CFHR5: variants seen among roughly 807,000 people sequenced by gnomAD.
The protein encoded by CFHR5 is complement factor H-related protein 5.
A neutral mutation model predicts 62.9 loss-of-function variants in CFHR5; 73 were observed. The observed-to-expected ratio is 1.16, with a 90% CI of 0.96 to 1.41. The LOEUF (loss-of-function observed/expected upper bound fraction) is 1.41. Among genes scored for constraint, CFHR5 ranks in the 40% most tolerant of loss-of-function variants. CFHR5 has a pLI of 0.00. For missense variants in CFHR5, 779 were observed against 679.9 expected, an observed-to-expected ratio of 1.15 and a Z score of -1.62; for synonymous variants, 249 against 227.2, an observed-to-expected ratio of 1.10 and a Z score of -0.86.
At position 197,008,736 on chromosome 1, in the gene CFHR5, G is replaced by T; in HGVS notation, c.*53G>T. On this transcript the variant is annotated 3_prime_UTR_variant, in exon 10 of 10. Transcript: ENST00000256785. ...CTTCAAACATCCATCTATGCTAAAAGTAGCCATTATGTAGCCAATTCTGTA... is the reference window on the plus strand; with the variant it reads ...CTTCAAACATCCATCTATGCTAAAATTAGCCATTATGTAGCCAATTCTGTA... 3.5e-5 allele frequency: 51 copies of T among 1,453,340 alleles called. No individual in the cohort carries two copies. The highest frequency in any genetic ancestry group is 3.9e-6 in the Non-Finnish European group (4 of 1,035,696). 90.0% of individuals were successfully genotyped at this position (1,453,340 alleles called of 1,614,324 possible).
At chr1:197,005,710 T>C (rs1654269917) in intron 9 of CFHR5, among the ~76,000 whole-genome samples, 1 of 152,166 alleles carries the variant, frequency 6.6e-6, no homozygotes, top group Non-Finnish European at 1.5e-5. Flanking sequence ...GTAATAAGGA[T>C]CTGTTCCTGC....
chr1:197,006,626 C>T (rs912231171), intron 9 of CFHR5, among the ~76,000 whole-genome samples: 6 of 150,812 alleles, frequency 4.0e-5, no homozygotes, highest in Non-Finnish European at 5.9e-5. Flanking sequence ...GCAGGAGAAT[C>T]ATTTGAACCT....
chr1:197,005,306 C>T (rs1654258869), intron 9 of CFHR5, among the ~76,000 whole-genome samples: 1 of 152,106 alleles, frequency 6.6e-6, no homozygotes, highest in Non-Finnish European at 1.5e-5. Context: ...TGCATGTTGG[C>T]AGAATTTCTA....
intron 1 of CFHR5, among the ~76,000 whole-genome samples, chr1:196,980,301 C>T (rs1653505787): frequency 6.6e-6 from 1 of 151,732 alleles, no homozygotes; most frequent in Non-Finnish European, 1.5e-5. Context: ...AACTATAGTA[C>T]ATTAAATACA....
chr1:196,985,085 C>T (rs2125028094), intron 3 of CFHR5, among the ~76,000 whole-genome samples: 1 of 152,016 alleles, frequency 6.6e-6, no homozygotes, highest in East Asian at 1.9e-4. Flanking sequence ...AATTTTTTTT[C>T]AGTGGGATGC....
chr1:196,996,303 G>T, intron 6 of CFHR5, 102 bp downstream of exon 6: 1 of 889,846 alleles, frequency 1.1e-6, no homozygotes, highest in East Asian at 2.5e-5. Flanking sequence ...TATTGATACT[G>T]ACTCTTCCTT....
upstream of CFHR5, among the ~76,000 whole-genome samples, chr1:196,975,068 G>GAA (rs1002760996): frequency 2.8e-4 from 42 of 152,284 alleles, no homozygotes; most frequent in African/African-American, 7.9e-4. Context: ...CTTTGAGACA[G>GAA]AAGAGAAACC....
intron 8 of CFHR5, among the ~76,000 whole-genome samples, chr1:197,004,114 T>C (rs1654224463): frequency 6.6e-6 from 1 of 152,178 alleles, no homozygotes; most frequent in African/African-American, 2.4e-5. Context: ...CAGCCAATCT[T>C]AGCATGAAGT....
At chr1:196,980,739 A>G (rs1036938972) in intron 1 of CFHR5, among the ~76,000 whole-genome samples, 2 of 152,146 alleles carry the variant, frequency 1.3e-5, no homozygotes, top group South Asian at 2.1e-4. Flanking sequence ...CCAAAGGACG[A>G]TAACACTCCT....
intron 6 of CFHR5, 134 bp downstream of exon 6, chr1:196,996,335 C>T (rs1004816848): frequency 4.1e-6 from 3 of 736,808 alleles, no homozygotes; most frequent in Non-Finnish European, 7.1e-6. Context: ...ATATGTCAAT[C>T]CATTTATTCA....
intron 4 of CFHR5, among the ~76,000 whole-genome samples, chr1:196,994,627 A>G: frequency 6.6e-6 from 1 of 152,208 alleles, no homozygotes; most frequent in East Asian, 1.9e-4. Context: ...TATACGAATT[A>G]TTCATTAGAA....
At chr1:196,985,280 T>G (rs114380252) in intron 3 of CFHR5, among the ~76,000 whole-genome samples, 2,162 of 152,242 alleles carry the variant, frequency 0.014, 38 homozygotes, top group African/African-American at 0.045. Flanking sequence ...GTTCAAAGCT[T>G]CAGTGAGTTA....
At chr1:196,993,994 C>A in intron 3 of CFHR5, 86 bp from the exon 4 acceptor site, 1 of 983,542 alleles carries the variant, frequency 1.0e-6, no homozygotes, top group Non-Finnish European at 1.6e-6. Flanking sequence ...GTATATGAAG[C>A]CCCTTGCATC....
intron 8 of CFHR5, among the ~76,000 whole-genome samples, chr1:197,004,092 T>C (rs1654223486): frequency 6.6e-6 from 1 of 152,174 alleles, no homozygotes; most frequent in Non-Finnish European, 1.5e-5. Flanking sequence ...GTCAGTACAA[T>C]TGAACGTATT....
chr1:196,986,953 C>G (rs1285417250), intron 3 of CFHR5, among the ~76,000 whole-genome samples: 1 of 152,144 alleles, frequency 6.6e-6, no homozygotes, highest in Non-Finnish European at 1.5e-5. Flanking sequence ...CACTGTCTAC[C>G]ACAATGGTTG....
At chr1:196,996,699 A>G (rs1264685511) in intron 6 of CFHR5, among the ~76,000 whole-genome samples, 2 of 152,108 alleles carry the variant, frequency 1.3e-5, no homozygotes, top group Non-Finnish European at 1.5e-5. Context: ...CTTGAGTTCT[A>G]TTAAATTCCA....
At chr1:196,991,071 T>C (rs1653835300) in intron 3 of CFHR5, among the ~76,000 whole-genome samples, 1 of 151,954 alleles carries the variant, frequency 6.6e-6, no homozygotes, top group Non-Finnish European at 1.5e-5. Context: ...TTCTTTTTAC[T>C]CTTTTTTCTC....
intron 8 of CFHR5, among the ~76,000 whole-genome samples, 154 bp from the exon 9 acceptor site, chr1:197,004,507 C>T (rs1047846603): frequency 5.9e-5 from 9 of 152,090 alleles, no homozygotes; most frequent in African/African-American, 1.4e-4. Flanking sequence ...AAAGGAGCTA[C>T]AATATGTTTT....
chr1:197,008,362 T>A (rs568669985), intron 9 of CFHR5, 125 bp from the exon 10 acceptor site: 3 of 429,688 alleles, frequency 7.0e-6, no homozygotes, highest in East Asian at 4.9e-5. Flanking sequence ...TATTATTTTT[T>A]AAATAAATAT....
Sources: allele counts gnomAD v4.1 joint callset (sites outside exome capture counted in the v4.1 genomes callset), GRCh38; gene constraint gnomAD v4.1.1; transcripts MANE v1.5; gene names NCBI Gene and HGNC (gene_info 2026-07-23, HGNC 2026-07-21).